NEK5: variants seen among roughly 807,000 people sequenced by gnomAD.
NEK5 encodes NIMA related kinase 5.
Under a neutral mutation model 109.2 loss-of-function variants are expected in NEK5, and 88 were observed. That is an observed-to-expected ratio of 0.81 (90% CI 0.68 to 0.96). The LOEUF is 0.96. Ranked by LOEUF, NEK5 falls within the 40% of genes least tolerant of loss-of-function variation. The pLI, the probability that NEK5 is intolerant of heterozygous loss-of-function variation, is 0.00. For synonymous variants in NEK5, 283 were observed against 299.9 expected, an observed-to-expected ratio of 0.94 and a Z score of 0.58; for missense variants, 834 against 920.7, an observed-to-expected ratio of 0.91 and a Z score of 1.22.
chr13:52,070,791 AG>A (rs1256395881), intron 20 of NEK5, among the ~76,000 whole-genome samples: 1 of 152,240 alleles, frequency 6.6e-6, no homozygotes, highest in African/African-American at 2.4e-5. Context: ...TAAGCAAATA[AG>A]GCAATACAGC....
At chr13:52,044,230 G>A (rs1047940613) in intron 23 of NEK5, among the ~76,000 whole-genome samples, 1 of 152,120 alleles carries the variant, frequency 6.6e-6, no homozygotes, top group Admixed American at 6.5e-5. Context: ...CCTGCAGATG[G>A]CCTATTGTGG....
At chr13:52,125,489 G>T (rs186316697) in intron 3 of NEK5, among the ~76,000 whole-genome samples, 3 of 152,328 alleles carry the variant, frequency 2.0e-5, no homozygotes, top group African/African-American at 4.8e-5. Flanking sequence ...CATGAACCTG[G>T]GAGGCAGAGC....
intron 8 of NEK5, among the ~76,000 whole-genome samples, chr13:52,106,563 C>A (rs1253861604): frequency 1.3e-5 from 2 of 152,050 alleles, no homozygotes; most frequent in Admixed American, 1.3e-4. Flanking sequence ...GTCAAGAATT[C>A]AAGACCAGCC....
intron 13 of NEK5, among the ~76,000 whole-genome samples, chr13:52,090,896 G>T (rs1236920018): frequency 6.6e-6 from 1 of 152,106 alleles, no homozygotes; most frequent in Non-Finnish European, 1.5e-5. Flanking sequence ...TGTCGTGGCA[G>T]GCGCCTGTAG....
At chr13:52,097,049 C>T (rs995241208) in intron 12 of NEK5, among the ~76,000 whole-genome samples, 2 of 152,184 alleles carry the variant, frequency 1.3e-5, no homozygotes, top group Non-Finnish European at 2.9e-5. Flanking sequence ...GGGTGCAAGC[C>T]GTAAATCTTG....
At chr13:52,094,371 T>A (rs1879809047) in intron 12 of NEK5, among the ~76,000 whole-genome samples, 1 of 152,232 alleles carries the variant, frequency 6.6e-6, no homozygotes, top group South Asian at 2.1e-4. Context: ...TAGTTGGGAA[T>A]ATGAATAACA....
chr13:52,039,117 G>GA (rs1220293591), intron 23 of NEK5, among the ~76,000 whole-genome samples: 2 of 152,226 alleles, frequency 1.3e-5, no homozygotes, highest in East Asian at 1.9e-4. Context: ...TTTTTCCTAA[G>GA]AAAAAGAAGA....
intron 16 of NEK5, among the ~76,000 whole-genome samples, chr13:52,084,701 C>A (rs1955082669): frequency 7.2e-6 from 1 of 139,218 alleles, no homozygotes; most frequent in Non-Finnish European, 1.5e-5. Flanking sequence ...CCATGTCCGG[C>A]TAATTTAAAG....
At chr13:52,038,684 A>G (rs1449458024) in intron 23 of NEK5, among the ~76,000 whole-genome samples, 1 of 151,408 alleles carries the variant, frequency 6.6e-6, no homozygotes, top group Admixed American at 6.6e-5. Flanking sequence ...CAATCCTCTC[A>G]CCTCAGCCTC....
chr13:52,052,435 G>A (rs1362974714), intron 22 of NEK5, among the ~76,000 whole-genome samples: 1 of 152,148 alleles, frequency 6.6e-6, no homozygotes, highest in African/African-American at 2.4e-5. Context: ...CAAGGTATAA[G>A]ACTCCTATTG....
At chr13:52,085,023 TAAAAG>T (rs762918632) in intron 16 of NEK5, among the ~76,000 whole-genome samples, 4 of 152,084 alleles carry the variant, frequency 2.6e-5, no homozygotes, top group Non-Finnish European at 4.4e-5. Context: ...CAGGGGTAAA[TAAAAG>T]AAAGTATGAA....
At chr13:52,102,442 A>G (rs1408492812) in intron 9 of NEK5, 150 bp from the exon 10 acceptor site, 2 of 667,744 alleles carry the variant, frequency 3.0e-6, no homozygotes, top group Admixed American at 5.1e-5. Flanking sequence ...AATCCCAGCA[A>G]TTTGGGAGGC....
chr13:52,063,354 C>T lies in NEK5; in HGVS notation c.1976-1401G>A, dbSNP rs1271410318. On this transcript the variant is annotated intron_variant, in intron 21 of 23. Transcript: ENST00000684899. ...CCTCCCGAGGTGCCGGGTTTGCAGA[C>T]GGAGTCTGGTTCACTCAGTGCTCAA... 9.8e-5 allele frequency among the ~76,000 whole-genome samples: 15 copies of T among 152,340 alleles called. 1 individual carries two copies. The highest frequency in any genetic ancestry group is 2.1e-4 in the South Asian group (1 of 4,832).
At chr13:52,063,807 A>G (rs1954637624) in intron 21 of NEK5, among the ~76,000 whole-genome samples, 3 of 147,260 alleles carry the variant, frequency 2.0e-5, no homozygotes, top group Non-Finnish European at 4.5e-5. Flanking sequence ...CAACCGCCCC[A>G]TCTGAGAAGT....
intron 12 of NEK5, among the ~76,000 whole-genome samples, chr13:52,094,857 A>G (rs1342190801): frequency 2.0e-5 from 3 of 152,244 alleles, no homozygotes; most frequent in Non-Finnish European, 2.9e-5. Flanking sequence ...ATTTAAGTAA[A>G]TGTATAAAAT....
intron 3 of NEK5, among the ~76,000 whole-genome samples, chr13:52,125,732 A>G (rs1322515722): frequency 6.6e-6 from 1 of 152,198 alleles, no homozygotes; most frequent in Admixed American, 6.5e-5. Flanking sequence ...AGAAAATCAG[A>G]AAAGGACACA....
At chr13:52,114,768 C>G (rs187108318) in intron 4 of NEK5, among the ~76,000 whole-genome samples, 263 of 152,142 alleles carry the variant, frequency 1.7e-3, no homozygotes, top group African/African-American at 6.0e-3. Context: ...GTCTAGAGAT[C>G]GGTTATTTTC....
intron 21 of NEK5, among the ~76,000 whole-genome samples, chr13:52,064,347 G>GT (rs1490732052): frequency 7.1e-6 from 1 of 140,082 alleles, no homozygotes; most frequent in Non-Finnish European, 1.6e-5. Flanking sequence ...CATCCAGGAG[G>GT]GAGGTGGGGG....
At chr13:52,059,782 C>T (rs1954594730) in intron 22 of NEK5, among the ~76,000 whole-genome samples, 1 of 148,542 alleles carries the variant, frequency 6.7e-6, no homozygotes, top group Non-Finnish European at 1.5e-5. Context: ...GGAAGGGGAA[C>T]ATCACACTCT....
Sources: allele counts gnomAD v4.1 joint callset (sites outside exome capture counted in the v4.1 genomes callset), GRCh38; gene constraint gnomAD v4.1.1; transcripts MANE v1.5; gene names NCBI Gene and HGNC (gene_info 2026-07-23, HGNC 2026-07-21).